The following PPM1B variants were observed in gnomAD, a reference collection of about 807,000 sequenced individuals.
The protein encoded by PPM1B is protein phosphatase 1B.
Under a neutral mutation model 43.0 loss-of-function variants are expected in PPM1B, and 22 were observed. That is an observed-to-expected ratio of 0.51 (90% CI 0.37 to 0.73). The LOEUF (loss-of-function observed/expected upper bound fraction) is 0.73. Ranked by LOEUF, PPM1B falls within the 30% of genes least tolerant of loss-of-function variation. The pLI, the probability that PPM1B is intolerant of heterozygous loss-of-function variation, is 0.00. For missense variants in PPM1B, 632 were observed against 584.2 expected (o/e 1.08, Z -0.84); for synonymous variants, 217 against 197.9 (o/e 1.10, Z -0.81).
intron 1 of PPM1B, among the ~76,000 whole-genome samples, chr2:44,172,371 A>G (rs1041186193): frequency 3.9e-5 from 6 of 152,256 alleles, no homozygotes; most frequent in African/African-American, 1.2e-4. Flanking sequence ...TTGATGGTGA[A>G]ATAGAGTTTT....
rs1171928832 is a variant in PPM1B at position 44,230,932 on chromosome 2, A to G, written c.*214A>G. The stretch of plus-strand genomic sequence containing the variant: ...AGTACTATGGATTTAATGAAATTAT[A>G]TGTCATTTCACATTGTATGCCAGAA... On this transcript the variant is annotated 3_prime_UTR_variant, in exon 6 of 6. Coordinates refer to ENST00000282412, the MANE Select transcript of PPM1B (RefSeq NM_002706.6). The G allele has an allele frequency of 1.7e-6, 2 of 1,168,094 alleles. No individual in the cohort carries two copies. The highest frequency in any genetic ancestry group is 1.1e-6 in the Non-Finnish European group (1 of 931,448). 72.4% of individuals were successfully genotyped at this position (1,168,094 alleles called of 1,614,324 possible).
downstream of PPM1B, among the ~76,000 whole-genome samples, chr2:44,237,579 C>G (rs201885132): frequency 6.6e-6 from 1 of 152,064 alleles, no homozygotes; most frequent in South Asian, 2.1e-4. Flanking sequence ...CAGTGGGACA[C>G]AAAAGAGCCA....
At chr2:44,188,018 A>G (rs184426806) in intron 1 of PPM1B, among the ~76,000 whole-genome samples, 2 of 152,124 alleles carry the variant, frequency 1.3e-5, no homozygotes, top group African/African-American at 4.8e-5. Flanking sequence ...CCAAGGTGCT[A>G]GGATTACAGG....
intron 1 of PPM1B, among the ~76,000 whole-genome samples, chr2:44,175,785 A>G (rs1230186856): frequency 7.2e-6 from 1 of 138,296 alleles, no homozygotes; most frequent in African/African-American, 2.7e-5. Context: ...TTGGTTTGAG[A>G]TTTTTTTTTT....
intron 1 of PPM1B, among the ~76,000 whole-genome samples, chr2:44,180,333 C>G (rs1667812840): frequency 6.6e-6 from 1 of 152,166 alleles, no homozygotes; most frequent in Non-Finnish European, 1.5e-5. Flanking sequence ...GTTGGGGATA[C>G]TCTATGCCCA....
At chr2:44,205,055 A>C (rs1233910362) in intron 2 of PPM1B, among the ~76,000 whole-genome samples, 2 of 152,284 alleles carry the variant, frequency 1.3e-5, no homozygotes, top group African/African-American at 2.4e-5. Context: ...TTTACTGCCA[A>C]CTAATTTCGG....
At chr2:44,173,057 A>G (rs1421310931) in intron 1 of PPM1B, among the ~76,000 whole-genome samples, 7 of 152,212 alleles carry the variant, frequency 4.6e-5, no homozygotes, top group Non-Finnish European at 1.0e-4. Flanking sequence ...GCTCACGCCC[A>G]TAATCCCAGC....
In PPM1B at chr2:44,168,910, A is replaced by G. The variant is rs941280681; in HGVS notation, c.-379A>G. On this transcript the variant is annotated 5_prime_UTR_variant, in exon 1 of 6. Transcript: ENST00000282412. The stretch of plus-strand genomic sequence containing the variant: ...CCGAGCGGCTTCTGCTCAATGGCGG[A>G]AAAGCCGCCGGTGCTCTGACGGCCT... 6.5e-6 allele frequency: 1 copy of G among 153,108 alleles called. No individual in the cohort carries two copies. Among genetic ancestry groups the G allele is most frequent in the Non-Finnish European group, 1.5e-5 (1 of 68,190 alleles). 9.5% of individuals were successfully genotyped at this position (153,108 alleles called of 1,614,324 possible). A position where few individuals can be genotyped will look rare whatever the true frequency, so the allele number is the denominator to read the frequency against.
chr2:44,235,603 C>CAA (rs60734033), downstream of PPM1B, among the ~76,000 whole-genome samples: 500 of 73,404 alleles, frequency 6.8e-3, 7 homozygotes, highest in African/African-American at 0.022. Flanking sequence ...AATTCCATCT[C>CAA]AAAAAAAAAA....
intron 2 of PPM1B, among the ~76,000 whole-genome samples, chr2:44,205,350 T>G (rs943044718): frequency 6.8e-6 from 1 of 146,750 alleles, no homozygotes; most frequent in African/African-American, 2.5e-5. Flanking sequence ...TGGGTGTGGG[T>G]GTGGGTGTGT....
intron 5 of PPM1B, among the ~76,000 whole-genome samples, chr2:44,225,412 T>C (rs536450162): frequency 3.9e-5 from 6 of 152,274 alleles, no homozygotes; most frequent in South Asian, 4.1e-4. Flanking sequence ...CTAATATTAA[T>C]GAAAGCCCAT....
At chr2:44,188,752 TTCCTTCCTTCTTTCCTTCCTTC>T (rs1668252857) in intron 1 of PPM1B, among the ~76,000 whole-genome samples, 1 of 148,866 alleles carries the variant, frequency 6.7e-6, no homozygotes, top group Non-Finnish European at 1.5e-5. Context: ...CCTTCCTTCC[TTCCTTCCTTCTTTCCTTCCTTC>T]CTTCCTTCCC....
At chr2:44,226,932 T>TTTTGTTTA (rs1670241116) in intron 5 of PPM1B, among the ~76,000 whole-genome samples, 1 of 134,992 alleles carries the variant, frequency 7.4e-6, no homozygotes, top group African/African-American at 2.7e-5. Context: ...ATGGGAAACT[T>TTTTGTTTA]TTTATTTATT....
chr2:44,185,827 A>G (rs917165429), intron 1 of PPM1B, among the ~76,000 whole-genome samples: 1 of 152,242 alleles, frequency 6.6e-6, no homozygotes, highest in African/African-American at 2.4e-5. Context: ...ACTGTAAAAT[A>G]TCTCTTAAAC....
intron 1 of PPM1B, among the ~76,000 whole-genome samples, chr2:44,189,181 T>C (rs1251050902): frequency 6.6e-6 from 1 of 152,124 alleles, no homozygotes; most frequent in Non-Finnish European, 1.5e-5. Context: ...CAGCTGCCTT[T>C]GTTTCTTCAC....
downstream of PPM1B, chr2:44,232,700 T>C (rs531885190): frequency 1.3e-4 from 139 of 1,034,066 alleles, no homozygotes; most frequent in Admixed American, 1.5e-3. Flanking sequence ...TTATGTTTTT[T>C]TTCTTTAAAC....
downstream of PPM1B, chr2:44,232,508 G>C (rs1348040735): frequency 6.8e-7 from 1 of 1,470,672 alleles, no homozygotes; most frequent in Non-Finnish European, 9.0e-7. Flanking sequence ...TCATATTTGT[G>C]TTTTCTGACA....
downstream of PPM1B, among the ~76,000 whole-genome samples, chr2:44,235,755 C>G (rs148240072): frequency 0.014 from 2,078 of 152,006 alleles, 29 homozygotes; most frequent in Non-Finnish European, 0.017. Context: ...TCTAAGTACT[C>G]TAGCATGGTG....
intron 1 of PPM1B, among the ~76,000 whole-genome samples, chr2:44,179,078 G>A (rs1667732549): frequency 6.6e-6 from 1 of 152,120 alleles, no homozygotes; most frequent in African/African-American, 2.4e-5. Context: ...GGTCTTTCCT[G>A]TGCTGTTCTC....
Sources: gnomAD v4.1 joint callset for allele counts (sites outside exome capture counted in the v4.1 genomes callset) on GRCh38, gnomAD v4.1.1 for gene constraint, MANE v1.5 for transcripts, NCBI Gene and HGNC (gene_info 2026-07-23, HGNC 2026-07-21) for gene names.